The following PCDH10 variants were observed in gnomAD, a reference collection of about 807,000 sequenced individuals.
PCDH10 encodes the protein protocadherin 10, also known as protocadherin-10.
Under a neutral mutation model 74.4 loss-of-function variants are expected in PCDH10, and 15 were observed. The ratio of observed to expected loss-of-function variants is 0.20; its 90% CI spans 0.13 to 0.31. The LOEUF (loss-of-function observed/expected upper bound fraction) is 0.31. PCDH10 is among the 10% of genes least tolerant of loss of function. The pLI is 1.00. For synonymous variants in PCDH10, 619 were observed against 589.8 expected, an observed-to-expected ratio of 1.05 and a Z score of -0.72; for missense variants, 1,260 against 1,390.2, an observed-to-expected ratio of 0.91 and a Z score of 1.49.
At chr4:133,184,290 T>G (rs766458951) in intron 4 of PCDH10, among the ~76,000 whole-genome samples, 2 of 151,958 alleles carry the variant, frequency 1.3e-5, no homozygotes, top group Non-Finnish European at 2.9e-5. Context: ...AAAAGCAAAT[T>G]TAGTCTAGGA....
At chr4:133,185,619 G>A (rs139028725) in intron 4 of PCDH10, among the ~76,000 whole-genome samples, 55 of 152,208 alleles carry the variant, frequency 3.6e-4, no homozygotes, top group Non-Finnish European at 4.4e-5. Flanking sequence ...GCATTTATAT[G>A]TAAAGAAGTG....
In PCDH10 at chr4:133,155,002, A is replaced by T; in HGVS notation, c.2776A>T (p.Thr926Ser). 6.2e-7 allele frequency: 1 copy of T among 1,611,178 alleles called. No homozygotes were observed. The highest frequency in any genetic ancestry group is 8.5e-7 in the Non-Finnish European group (1 of 1,177,306). The change falls in exon 3 of 5, where the codon ACC becomes TCC. Residue 926 changes from threonine to serine, a missense_variant. Coordinates refer to ENST00000264360, the MANE Select transcript of PCDH10 (RefSeq NM_032961.3). ...ACAGGGAGATAGTGATCATGATGCC[A>T]CCAACCGTGCCCAGTCAGCTGGTAA... The part of the protein sequence containing the change: ...SEQGDSDHDA[T>S]NRAQSAGMDL...
At chr4:133,165,035 C>T (rs1259391103) in intron 4 of PCDH10, among the ~76,000 whole-genome samples, 1 of 147,338 alleles carries the variant, frequency 6.8e-6, no homozygotes, top group Non-Finnish European at 1.5e-5. Flanking sequence ...TATGCACTAA[C>T]ACATTCCAAC....
chr4:133,167,336 CT>C (rs1727107301), intron 4 of PCDH10, among the ~76,000 whole-genome samples: 2 of 151,388 alleles, frequency 1.3e-5, no homozygotes, highest in African/African-American at 4.8e-5. Flanking sequence ...CTCAGCCTGC[CT>C]TCTGTGAGTT....
intron 4 of PCDH10, among the ~76,000 whole-genome samples, chr4:133,171,623 T>G (rs1306307855): frequency 6.6e-6 from 1 of 152,128 alleles, no homozygotes; most frequent in Non-Finnish European, 1.5e-5. Flanking sequence ...ATGGTGTATG[T>G]AAGCTTAAAT....
intron 4 of PCDH10, among the ~76,000 whole-genome samples, chr4:133,174,926 CCT>C (rs1727262825): frequency 6.7e-6 from 1 of 149,348 alleles, no homozygotes; most frequent in South Asian, 2.1e-4. Flanking sequence ...GTAATATTTG[CCT>C]CTCACAGTTA....
Position 133,193,518 on chromosome 4 carries a change from C to A in PCDH10, c.*3358C>A, listed in dbSNP as rs1387202333. ...AGAATCTCACAATTCCCAATATAATCTTTAACAACTGTACGTTAATTGTAC... is the reference window on the plus strand; with the variant it reads ...AGAATCTCACAATTCCCAATATAATATTTAACAACTGTACGTTAATTGTAC... On this transcript the variant is annotated 3_prime_UTR_variant, in exon 5 of 5. Coordinates refer to ENST00000264360, the MANE Select transcript of PCDH10 (RefSeq NM_032961.3). 6.6e-6 allele frequency: 1 copy of A among 151,648 alleles called. No homozygotes were observed. The highest frequency in any genetic ancestry group is 1.9e-4 in the East Asian group (1 of 5,190). The allele number at this position is 151,648 out of a possible 1,614,324, so 9.4% of individuals were successfully genotyped here. A position where few individuals can be genotyped will look rare whatever the true frequency, so the allele number is the denominator to read the frequency against.
intron 1 of PCDH10, 129 bp downstream of exon 1, chr4:133,152,900 A>G: frequency 2.7e-6 from 4 of 1,472,886 alleles, no homozygotes; most frequent in Non-Finnish European, 3.6e-6. Context: ...TCGTTGTGGG[A>G]GCAGAGATGG....
chr4:133,164,309 C>T (rs1359245044), intron 4 of PCDH10, among the ~76,000 whole-genome samples: 2 of 151,928 alleles, frequency 1.3e-5, no homozygotes, highest in East Asian at 3.9e-4. Flanking sequence ...TTAAAATAGC[C>T]TAAAATCAAA....
intron 3 of PCDH10, 76 bp from the exon 4 acceptor site, chr4:133,162,901 C>A: frequency 8.0e-7 from 1 of 1,248,706 alleles, no homozygotes; most frequent in Non-Finnish European, 1.1e-6. Flanking sequence ...CTTTATGCTA[C>A]CTGTAATCTT....
chr4:133,204,357 G>A (rs1727961895), intron 2 of PCDH10, among the ~76,000 whole-genome samples: 1 of 152,110 alleles, frequency 6.6e-6, no homozygotes, highest in East Asian at 1.9e-4. Context: ...AGCTAGTGAA[G>A]GTCACTACGT....
chr4:133,166,646 C>T (rs890183398), intron 4 of PCDH10, among the ~76,000 whole-genome samples: 1 of 151,490 alleles, frequency 6.6e-6, no homozygotes, highest in Non-Finnish European at 1.5e-5. Context: ...GTCATTCCTG[C>T]TTATGATTTT....
intron 2 of PCDH10, among the ~76,000 whole-genome samples, chr4:133,206,778 A>C (rs555386839): frequency 9.2e-5 from 14 of 152,302 alleles, no homozygotes; most frequent in African/African-American, 3.4e-4. Flanking sequence ...GGGAGCTTGA[A>C]AATAAACTAT....
rs1470098185 is a variant in PCDH10, at chr4:133,163,835, C to A, written c.3103+553C>A. ...GAGACAGATTGTAGATATGTCATTT[C>A]TTTTATGACTGATGAAATTGAAAAG... is the stretch of plus-strand genomic sequence containing the variant. On this transcript the variant is annotated intron_variant, in intron 4 of 4. Transcript: ENST00000264360. 4 of 412,614 alleles carry A rather than the reference C, an allele frequency of 9.7e-6. No individual in the cohort carries two copies. In the East Asian group the frequency reaches 2.1e-4, roughly 22 times the overall value. 25.6% of individuals were successfully genotyped at this position (412,614 alleles called of 1,614,324 possible). A position where few individuals can be genotyped will look rare whatever the true frequency, so the allele number is the denominator to read the frequency against.
At chr4:133,196,411 G>T (rs773928194), downstream of PCDH10, among the ~76,000 whole-genome samples, 3 of 152,124 alleles carry the variant, frequency 2.0e-5, no homozygotes, top group Non-Finnish European at 2.9e-5. Flanking sequence ...GGGGCCACAA[G>T]ACTGGATGCA....
chr4:133,168,320 C>T (rs1223273279), intron 4 of PCDH10, among the ~76,000 whole-genome samples: 1 of 151,308 alleles, frequency 6.6e-6, no homozygotes, highest in Non-Finnish European at 1.5e-5. Flanking sequence ...ACTCAGACAT[C>T]AGTACTTCCC....
rs1282661418 is a variant in PCDH10 at position 133,152,456 on chromosome 4, C to A, written c.2316C>A (p.Gly772=). ...GTGGCGGAGGTTCGACCTGCTGTGG[C>A]CGCCAAGCCCGGGCGCGCAAGAAGA... The part of the protein sequence containing the change: ...CCGGGGSTCC[G]RQARARKKKL... The change falls in exon 1 of 5, where the codon GGC becomes GGA. Residue 772 remains glycine (G), a synonymous_variant. Transcript: ENST00000264360. 1 of 1,614,114 alleles carries A rather than the reference C, an allele frequency of 6.2e-7. No homozygotes were observed. Among genetic ancestry groups the A allele is most frequent in the East Asian group, 2.2e-5 (1 of 44,868 alleles).
At position 133,163,047 on chromosome 4, in the gene PCDH10, T is replaced by G. The variant is rs1308092699; in HGVS notation, c.2868T>G (p.Pro956=). Residue 956 remains proline (P), a synonymous_variant, in exon 4 of 5, where the codon CCT becomes CCG. Transcript: ENST00000264360. The stretch of plus-strand genomic sequence containing the variant: ...GCCACTCAGATCGGTGCTGGATGCC[T>G]TCTTTTGTCCCTTCTGATGGACGCC... ...ALGHSDRCWM[P]SFVPSDGRQA... 2 of 1,614,084 alleles carry G rather than the reference T, an allele frequency of 1.2e-6. No homozygotes were observed. The highest frequency in any genetic ancestry group is 1.7e-6 in the Non-Finnish European group (2 of 1,180,028).
chr4:133,205,100 G>A (rs1430497898), intron 2 of PCDH10, among the ~76,000 whole-genome samples: 1 of 152,150 alleles, frequency 6.6e-6, no homozygotes, highest in Non-Finnish European at 1.5e-5. Flanking sequence ...TCCTTGATAA[G>A]GAGGATGGTT....
Sources: allele counts gnomAD v4.1 joint callset (sites outside exome capture counted in the v4.1 genomes callset), GRCh38; gene constraint gnomAD v4.1.1; transcripts MANE v1.5; gene names NCBI Gene and HGNC (gene_info 2026-07-23, HGNC 2026-07-21).